Variants in C5orf58 observed in about 807,000 individuals in gnomAD.
C5orf58 encodes chromosome 5 open reading frame 58, also known as putative uncharacterized protein C5orf58.
C5orf58 carries 2 observed loss-of-function variants against 2.9 expected under a neutral mutation model. The ratio of observed to expected loss-of-function variants is 0.69; its 90% CI spans 0.28 to 2.18. The LOEUF is 2.18. Ranked by LOEUF, C5orf58 falls within the 30% of genes most tolerant of loss-of-function variation. The pLI is 0.13. For missense variants in C5orf58, 96 were observed against 91.7 expected, an observed-to-expected ratio of 1.05 and a Z score of -0.19; for synonymous variants, 37 against 33.4, an observed-to-expected ratio of 1.11 and a Z score of -0.37.
rs1761284784 is a variant in C5orf58, at chr5:170,246,206, CAAAAT to C, written c.*98_*102del. The C allele has an allele frequency of 2.9e-6, 3 of 1,026,200 alleles. No individual in the cohort carries two copies. The highest frequency in any genetic ancestry group is 2.7e-6 in the Non-Finnish European group (2 of 732,496). 63.6% of individuals were successfully genotyped at this position (1,026,200 alleles called of 1,614,324 possible). The stretch of plus-strand genomic sequence containing the variant: ...TAATTTGTATATATATAATTTAAAA[CAAAAT>C]AAAAATAATGTAAACAAGCAGTTCA... On this transcript the variant is annotated 3_prime_UTR_variant, in exon 4 of 4. Coordinates refer to ENST00000593851, the MANE Select transcript of C5orf58 (RefSeq NM_001102609.3).
intron 3 of C5orf58, among the ~76,000 whole-genome samples, chr5:170,238,548 T>G (rs1760837724): frequency 6.6e-6 from 1 of 152,030 alleles, no homozygotes; most frequent in South Asian, 2.1e-4. Context: ...ATTAAAGAAA[T>G]AAAGAAAACT....
downstream of C5orf58, chr5:170,251,027 C>G (rs1035442252): frequency 2.8e-5 from 17 of 616,960 alleles, no homozygotes; most frequent in Non-Finnish European, 4.6e-5. Context: ...ACCTGTCATT[C>G]AACGAACATT....
At chr5:170,235,169 C>A in intron 3 of C5orf58, 99 bp downstream of exon 3, 1 of 640,796 alleles carries the variant, frequency 1.6e-6, no homozygotes, top group Non-Finnish European at 2.8e-6. Flanking sequence ...ATTTTGCCCA[C>A]TAATTAGGAT....
At chr5:170,233,829 C>A (rs1367936091) in intron 1 of C5orf58, 6 of 330,266 alleles carry the variant, frequency 1.8e-5, no homozygotes, top group Admixed American at 4.4e-5. Flanking sequence ...ACCCCACCCA[C>A]GCGCTGGGTG....
chr5:170,247,517 T>C (rs1037881724), downstream of C5orf58: 3 of 152,198 alleles, frequency 2.0e-5, no homozygotes, highest in African/African-American at 7.2e-5. Context: ...AGTTGTGCAA[T>C]AACAACCAAG....
chr5:170,244,693 A>G (rs938856807), intron 3 of C5orf58, among the ~76,000 whole-genome samples: 12 of 151,630 alleles, frequency 7.9e-5, no homozygotes, highest in African/African-American at 2.7e-4. Context: ...AATTTTTTTC[A>G]AAGTTTTCAA....
intron 3 of C5orf58, among the ~76,000 whole-genome samples, chr5:170,239,146 G>T (rs74881205): frequency 0.01 from 1,547 of 152,216 alleles, 34 homozygotes; most frequent in African/African-American, 0.036. Flanking sequence ...ACTCAATTGG[G>T]GGACATTTAG....
intron 1 of C5orf58, chr5:170,233,900 T>C: frequency 2.8e-6 from 1 of 359,748 alleles, no homozygotes; most frequent in Non-Finnish European, 5.4e-6. Context: ...TAAAATCATT[T>C]AGTTTCTACT....
intron 3 of C5orf58, among the ~76,000 whole-genome samples, chr5:170,242,636 A>AT (rs1295931051): frequency 9.5e-6 from 1 of 105,694 alleles, no homozygotes; most frequent in African/African-American, 3.9e-5. Flanking sequence ...CCCCTTTATC[A>AT]TTTTTTATTG....
At chr5:170,245,822 G>C in intron 3 of C5orf58, 140 bp from the exon 4 acceptor site, 1 of 795,066 alleles carries the variant, frequency 1.3e-6, no homozygotes, top group Non-Finnish European at 2.0e-6. Flanking sequence ...TTTTAAGTCA[G>C]AATGGGACAC....
At chr5:170,238,978 G>T (rs1184470994) in intron 3 of C5orf58, among the ~76,000 whole-genome samples, 2 of 152,190 alleles carry the variant, frequency 1.3e-5, no homozygotes, top group African/African-American at 2.4e-5. Flanking sequence ...GATAAAAGGA[G>T]TCTCTAGGAT....
intron 2 of C5orf58, chr5:170,251,645 A>G (rs983840260): frequency 2.2e-6 from 1 of 456,078 alleles, no homozygotes; most frequent in Non-Finnish European, 4.4e-6. Context: ...CTTTTATTGC[A>G]AGTTAATTGA....
rs888253713 is a variant in C5orf58 at position 170,233,615 on chromosome 5, C to G, written c.-84-500C>G. The G allele has an allele frequency of 8.9e-5, 14 of 157,780 alleles. 1 individual carries two copies. Among genetic ancestry groups the G allele is most frequent in the African/African-American group, 3.1e-4 (13 of 41,618 alleles). 9.8% of individuals were successfully genotyped at this position (157,780 alleles called of 1,614,324 possible). A position where few individuals can be genotyped will look rare whatever the true frequency, so the allele number is the denominator to read the frequency against. On this transcript the variant is annotated intron_variant, in intron 1 of 3. Coordinates refer to ENST00000593851, the MANE Select transcript of C5orf58 (RefSeq NM_001102609.3). ...CTAGTGGTATCAGGCCTTGAGTCAG[C>G]GACATCCTGGCTTCTGACCCCCCAT...
intron 2 of C5orf58, chr5:170,251,454 T>C (rs114200537): frequency 0.015 from 3,601 of 234,454 alleles, 43 homozygotes; most frequent in Middle Eastern, 0.042. Flanking sequence ...ACTGTTTTGA[T>C]TGTCCTGTAC....
chr5:170,245,643 C>T (rs1345726793), intron 3 of C5orf58, among the ~76,000 whole-genome samples: 1 of 152,212 alleles, frequency 6.6e-6, no homozygotes, highest in African/African-American at 2.4e-5. Context: ...GCACACCGTG[C>T]GCGCACCCAC....
downstream of C5orf58, chr5:170,247,930 T>C (rs190315279): frequency 3.3e-5 from 5 of 152,356 alleles, no homozygotes; most frequent in East Asian, 9.6e-4. Flanking sequence ...TAACCCCAGA[T>C]GTGTTCATTA....
chr5:170,240,672 T>A (rs1204980192), intron 3 of C5orf58, among the ~76,000 whole-genome samples: 1 of 151,560 alleles, frequency 6.6e-6, no homozygotes, highest in Non-Finnish European at 1.5e-5. Flanking sequence ...ATTCTGGATA[T>A]TAGCCCTTTG....
downstream of C5orf58, chr5:170,250,739 T>C: frequency 6.2e-7 from 1 of 1,613,164 alleles, no homozygotes. Flanking sequence ...CCTCTTTCCC[T>C]CGGAGTCCAG....
chr5:170,236,755 A>G (rs114477758), intron 3 of C5orf58, among the ~76,000 whole-genome samples: 2,550 of 152,314 alleles, frequency 0.017, 64 homozygotes, highest in African/African-American at 0.058. Context: ...TCCCATTGCT[A>G]TACCCTACCT....
Sources: gnomAD v4.1 joint callset for allele counts (sites outside exome capture counted in the v4.1 genomes callset) on GRCh38, gnomAD v4.1.1 for gene constraint, MANE v1.5 for transcripts, NCBI Gene and HGNC (gene_info 2026-07-23, HGNC 2026-07-21) for gene names.